Variants in SIRPD observed in about 807,000 individuals in gnomAD.
SIRPD encodes signal-regulatory protein delta.
A neutral mutation model predicts 18.0 loss-of-function variants in SIRPD; 21 were observed. That is an observed-to-expected ratio of 1.17 (90% confidence interval 0.83 to 1.68). The LOEUF (loss-of-function observed/expected upper bound fraction) is 1.68, where lower values mean the gene tolerates loss of function less well. Among genes scored for constraint, SIRPD ranks in the 40% most tolerant of loss-of-function variants. SIRPD has a pLI of 0.00. For synonymous variants in SIRPD, 106 were observed against 92.9 expected (o/e 1.14, Z -0.81); for missense variants, 295 against 238.4 (o/e 1.24, Z -1.56).
chr20:1,536,049 C>T (rs2090943846), intron 3 of SIRPD, among the ~76,000 whole-genome samples: 1 of 152,292 alleles, frequency 6.6e-6, no homozygotes, highest in African/African-American at 2.4e-5. Flanking sequence ...TCTCAGTTCC[C>T]ATGACTTCTG....
chr20:1,542,958 C>G (rs571232343), intron 2 of SIRPD, among the ~76,000 whole-genome samples: 26 of 152,264 alleles, frequency 1.7e-4, no homozygotes, highest in South Asian at 4.1e-4. Flanking sequence ...GTTGAACCAG[C>G]CTTGCATCCC....
chr20:1,546,590 C>T (rs1356999424), intron 2 of SIRPD, among the ~76,000 whole-genome samples: 1 of 152,116 alleles, frequency 6.6e-6, no homozygotes, highest in Non-Finnish European at 1.5e-5. Context: ...TTTCATTTCT[C>T]TTGAGTAAAT....
intron 1 of SIRPD, 110 bp from the exon 2 acceptor site, chr20:1,552,148 C>T: frequency 2.3e-6 from 2 of 871,840 alleles, no homozygotes; most frequent in South Asian, 3.4e-5. Context: ...TGCGCAAATG[C>T]CCATGCATTG....
At chr20:1,548,227 T>C (rs967820590) in intron 2 of SIRPD, among the ~76,000 whole-genome samples, 4 of 152,220 alleles carry the variant, frequency 2.6e-5, no homozygotes, top group Non-Finnish European at 5.9e-5. Flanking sequence ...CTAAATATGA[T>C]GTTAGCTATG....
At chr20:1,553,510 A>G (rs1600074086) in intron 1 of SIRPD, among the ~76,000 whole-genome samples, 1 of 152,088 alleles carries the variant, frequency 6.6e-6, no homozygotes, top group Non-Finnish European at 1.5e-5. Flanking sequence ...CTGTGACTGG[A>G]AGTTCAGGGT....
At chr20:1,550,770 G>A (rs1398007413) in intron 2 of SIRPD, among the ~76,000 whole-genome samples, 1 of 152,108 alleles carries the variant, frequency 6.6e-6, no homozygotes, top group Admixed American at 6.5e-5. Context: ...AAATCTCCCT[G>A]AGTTAGGTTC....
rs1285390367 is a variant in SIRPD at position 1,551,613 on chromosome 20, T to C, written c.421+78A>G. On this transcript the variant is annotated intron_variant, in intron 2 of 3. Coordinates refer to ENST00000381623, the MANE Select transcript of SIRPD (RefSeq NM_178460.3). ...TTCAATAATATTTGGCACATAGCAA[T>C]TATTGAATGAATAGAAGACATAACT... 3 of 1,113,766 alleles carry C rather than the reference T, an allele frequency of 2.7e-6. No homozygotes were observed. The African/African-American group carries it at 4.7e-5, about 17-fold the overall frequency. 69.0% of individuals were successfully genotyped at this position (1,113,766 alleles called of 1,614,324 possible). A position where few individuals can be genotyped will look rare whatever the true frequency, so the allele number is the denominator to read the frequency against.
intron 2 of SIRPD, among the ~76,000 whole-genome samples, chr20:1,538,930 GT>G (rs1462422283): frequency 6.6e-6 from 1 of 152,066 alleles, no homozygotes; most frequent in Non-Finnish European, 1.5e-5. Context: ...TAAGATGGTT[GT>G]TTTTTTGACC....
chr20:1,535,390 T>C (rs2090940853), intron 3 of SIRPD, among the ~76,000 whole-genome samples: 1 of 152,176 alleles, frequency 6.6e-6, no homozygotes, highest in Non-Finnish European at 1.5e-5. Flanking sequence ...CAATCCTCAA[T>C]GTGCAGTATT....
chr20:1,548,340 CTT>C (rs34139036), intron 2 of SIRPD, among the ~76,000 whole-genome samples: 5 of 150,942 alleles, frequency 3.3e-5, no homozygotes, highest in African/African-American at 7.3e-5. Flanking sequence ...TACCAAATTC[CTT>C]TTTTTTTATC....
chr20:1,539,998 A>T, intron 2 of SIRPD: 1 of 207,092 alleles, frequency 4.8e-6, no homozygotes, highest in Non-Finnish European at 1.0e-5. Context: ...CCTGACTCAC[A>T]GACACTGGGA....
chr20:1,536,844 T>C (rs191379469), intron 3 of SIRPD, among the ~76,000 whole-genome samples: 1 of 151,674 alleles, frequency 6.6e-6, no homozygotes, highest in East Asian at 1.9e-4. Flanking sequence ...GCCTAGGGGG[T>C]CGTGGAACCT....
intron 2 of SIRPD, among the ~76,000 whole-genome samples, chr20:1,538,500 A>G (rs1365142367): frequency 6.6e-6 from 1 of 152,086 alleles, no homozygotes; most frequent in Non-Finnish European, 1.5e-5. Flanking sequence ...CACTCTTCCC[A>G]TGGAGATGTA....
chr20:1,546,095 G>C (rs2090992596), intron 2 of SIRPD, among the ~76,000 whole-genome samples: 1 of 152,238 alleles, frequency 6.6e-6, no homozygotes, highest in Non-Finnish European at 1.5e-5. Flanking sequence ...AGGCACGGGG[G>C]TCAGCGACCC....
chr20:1,548,644 T>C (rs1345272771), intron 2 of SIRPD, among the ~76,000 whole-genome samples: 1 of 152,160 alleles, frequency 6.6e-6, no homozygotes. Context: ...GTTTAGTTGT[T>C]ATAGGTATCT....
chr20:1,537,107 T>A, intron 3 of SIRPD, 48 bp downstream of exon 3: 2 of 1,592,616 alleles, frequency 1.3e-6, no homozygotes, highest in Non-Finnish European at 1.7e-6. Flanking sequence ...GCCGCCAAAC[T>A]CAGGAGAGCA....
At chr20:1,541,714 A>G (rs1448656354) in intron 2 of SIRPD, among the ~76,000 whole-genome samples, 1 of 152,212 alleles carries the variant, frequency 6.6e-6, no homozygotes, top group Non-Finnish European at 1.5e-5. Flanking sequence ...GTCTTTGCCC[A>G]TGCCTATGTC....
At position 1,540,688 on chromosome 20, in the gene SIRPD, C is replaced by T. The variant is rs62186919; in HGVS notation, c.422-3378G>A. Among the ~76,000 whole-genome samples the T allele has an allele frequency of 2.2e-3, 340 of 152,060 alleles. 1 individual carries two copies. Among genetic ancestry groups the T allele is most frequent in the Non-Finnish European group, 3.9e-3 (264 of 67,954 alleles). ...AAGTTCTGGGATACATGTGCAGAACCTGCAGGTTTGTTACACAGTTATACA... is the reference window on the plus strand; with the variant it reads ...AAGTTCTGGGATACATGTGCAGAACTTGCAGGTTTGTTACACAGTTATACA... On this transcript the variant is annotated intron_variant, in intron 2 of 3. Coordinates refer to ENST00000381623, the MANE Select transcript of SIRPD (RefSeq NM_178460.3).
chr20:1,553,275 G>A (rs754676892), intron 1 of SIRPD, among the ~76,000 whole-genome samples: 1 of 152,172 alleles, frequency 6.6e-6, no homozygotes, highest in Non-Finnish European at 1.5e-5. Flanking sequence ...TATGGGGAAT[G>A]GGAGTGTGAT....
Sources: allele counts gnomAD v4.1 joint callset (sites outside exome capture counted in the v4.1 genomes callset), GRCh38; gene constraint gnomAD v4.1.1; transcripts MANE v1.5; gene names NCBI Gene and HGNC (gene_info 2026-07-23, HGNC 2026-07-21).